NALF1: variants seen among roughly 807,000 people sequenced by gnomAD.
NALF1 encodes family with sequence similarity 155 member A.
In NALF1, 3 loss-of-function variants were observed where a neutral mutation model predicts 48.4. That is an observed-to-expected ratio of 0.06 (90% confidence interval 0.03 to 0.16). NALF1 has a LOEUF of 0.16. Ranked by LOEUF, NALF1 falls within the 10% of genes least tolerant of loss-of-function variation. The pLI is 1.00. For synonymous variants in NALF1, 262 were observed against 245.7 expected, an observed-to-expected ratio of 1.07 and a Z score of -0.62; for missense variants, 526 against 571.5, an observed-to-expected ratio of 0.92 and a Z score of 0.81.
intron 1 of NALF1, among the ~76,000 whole-genome samples, chr13:107,667,503 A>G (rs1880889781): frequency 6.6e-6 from 1 of 152,056 alleles, no homozygotes; most frequent in Non-Finnish European, 1.5e-5. Flanking sequence ...ATGTCACTAA[A>G]TGGTTTAGGC....
chr13:107,789,833 A>T (rs1878180269), intron 1 of NALF1, among the ~76,000 whole-genome samples: 1 of 152,194 alleles, frequency 6.6e-6, no homozygotes, highest in Admixed American at 6.5e-5. Flanking sequence ...TTCCTGGTGA[A>T]CTGTAATAAT....
At chr13:107,812,390 G>C (rs915792771) in intron 1 of NALF1, among the ~76,000 whole-genome samples, 4 of 152,044 alleles carry the variant, frequency 2.6e-5, no homozygotes, top group Admixed American at 2.6e-4. Context: ...TCTTAGACTA[G>C]TGAAAAAGAC....
intron 1 of NALF1, among the ~76,000 whole-genome samples, chr13:107,605,738 T>G (rs1412963449): frequency 6.6e-6 from 1 of 152,198 alleles, no homozygotes; most frequent in Admixed American, 6.5e-5. Context: ...ACAAGGGTGT[T>G]GCAGATTAAA....
At chr13:107,251,557 G>A (rs757677246) in intron 1 of NALF1, among the ~76,000 whole-genome samples, 2 of 152,148 alleles carry the variant, frequency 1.3e-5, no homozygotes, top group Non-Finnish European at 2.9e-5. Flanking sequence ...CTGAAGCCTC[G>A]GAGACGGGTG....
chr13:107,321,175 G>C (rs555580338), intron 1 of NALF1, among the ~76,000 whole-genome samples: 1 of 152,060 alleles, frequency 6.6e-6, no homozygotes, highest in Non-Finnish European at 1.5e-5. Context: ...GGGTAAAATA[G>C]TCATTTTACT....
At chr13:107,736,317 G>A (rs908035014) in intron 1 of NALF1, among the ~76,000 whole-genome samples, 5 of 152,108 alleles carry the variant, frequency 3.3e-5, no homozygotes, top group African/African-American at 7.2e-5. Context: ...TGGCGGCGGC[G>A]GCATTTCTTA....
intron 1 of NALF1, among the ~76,000 whole-genome samples, chr13:107,326,618 T>G (rs188423054): frequency 6.6e-6 from 1 of 152,314 alleles, no homozygotes; most frequent in Non-Finnish European, 1.5e-5. Flanking sequence ...GAGGATTGAG[T>G]AATATAATGG....
chr13:107,220,000 T>C (rs1879956923), intron 1 of NALF1, among the ~76,000 whole-genome samples: 1 of 152,216 alleles, frequency 6.6e-6, no homozygotes, highest in African/African-American at 2.4e-5. Flanking sequence ...CTTGGCCATA[T>C]TGTCAGGTCA....
At chr13:107,402,262 A>G (rs1193334941) in intron 1 of NALF1, among the ~76,000 whole-genome samples, 1 of 152,188 alleles carries the variant, frequency 6.6e-6, no homozygotes, top group Non-Finnish European at 1.5e-5. Flanking sequence ...TGAAGCTTTC[A>G]GCTAACAGGC....
chr13:107,315,217 TTC>T (rs980668220), intron 1 of NALF1, among the ~76,000 whole-genome samples: 2 of 152,038 alleles, frequency 1.3e-5, no homozygotes, highest in Non-Finnish European at 2.9e-5. Flanking sequence ...CAGTAATACA[TTC>T]TTTGTTTTCT....
At position 107,867,086 on chromosome 13, in the gene NALF1, C is replaced by T. The variant is rs1415312785; in HGVS notation, c.-490G>A. 6.6e-6 allele frequency among the ~76,000 whole-genome samples: 1 copy of T among 151,854 alleles called. No homozygotes were observed. Among genetic ancestry groups the T allele is most frequent in the African/African-American group, 2.4e-5 (1 of 41,374 alleles). On this transcript the variant is annotated 5_prime_UTR_variant, in exon 1 of 3. Coordinates refer to ENST00000375915, the MANE Select transcript of NALF1 (RefSeq NM_001080396.3). This position sits in a 1 kb window ranked among gnomAD's most constrained non-coding sequence, Gnocchi z 4.4. ...GCTCTCCCCTGCCAGGGGCATGCCG[C>T]GCCTCCGCTGCCCACTGACGGCGCC... is the stretch of plus-strand genomic sequence containing the variant.
intron 1 of NALF1, among the ~76,000 whole-genome samples, chr13:107,822,462 C>G (rs1247118450): frequency 6.6e-6 from 1 of 152,114 alleles, no homozygotes; most frequent in Non-Finnish European, 1.5e-5. Flanking sequence ...GTAAGACTTA[C>G]TGAATCAGAA....
intron 1 of NALF1, among the ~76,000 whole-genome samples, chr13:107,458,954 G>A (rs1328602740): frequency 2.0e-5 from 3 of 151,810 alleles, no homozygotes; most frequent in Admixed American, 6.6e-5. Context: ...GTAAGATCTT[G>A]CCTGAGAGAG....
intron 1 of NALF1, among the ~76,000 whole-genome samples, chr13:107,733,278 C>T (rs557614004): frequency 8.2e-4 from 125 of 152,296 alleles, no homozygotes; most frequent in Middle Eastern, 3.4e-3. Context: ...GACAGCAGCA[C>T]ATTGCAAAAG....
chr13:107,850,282 A>G (rs1880274488), intron 1 of NALF1, among the ~76,000 whole-genome samples: 1 of 141,096 alleles, frequency 7.1e-6, no homozygotes, highest in African/African-American at 3.1e-5. Context: ...AAATTAAAAT[A>G]AAAAGATAAA....
At chr13:107,811,370 T>C (rs1229329353) in intron 1 of NALF1, among the ~76,000 whole-genome samples, 2 of 152,192 alleles carry the variant, frequency 1.3e-5, no homozygotes, top group East Asian at 3.8e-4. Context: ...ATGTCCCTGA[T>C]TCCTGAAATA....
intron 1 of NALF1, among the ~76,000 whole-genome samples, chr13:107,828,337 C>G (rs994106152): frequency 2.6e-5 from 4 of 152,100 alleles, no homozygotes; most frequent in African/African-American, 9.7e-5. Context: ...TAAACCACGT[C>G]ACAGAAGCAC....
At chr13:107,203,347 G>A (rs2138796609) in intron 2 of NALF1, among the ~76,000 whole-genome samples, 1 of 152,276 alleles carries the variant, frequency 6.6e-6, no homozygotes. Flanking sequence ...ATCGCCTCCT[G>A]GCTGTAGAGG....
chr13:107,716,911 C>G (rs1486844234), intron 1 of NALF1, among the ~76,000 whole-genome samples: 1 of 152,062 alleles, frequency 6.6e-6, no homozygotes, highest in Non-Finnish European at 1.5e-5. Context: ...GAGAAGACAG[C>G]CCAGGATACT....
Sources: gnomAD v4.1 joint callset for allele counts (sites outside exome capture counted in the v4.1 genomes callset) on GRCh38, gnomAD v4.1.1 for gene constraint, Gnocchi (gnomAD v3.1) non-coding constraint, MANE v1.5 for transcripts, NCBI Gene and HGNC (gene_info 2026-07-23, HGNC 2026-07-21) for gene names.